Variants in SYT16 observed in about 807,000 individuals in gnomAD.
The protein encoded by SYT16 is synaptotagmin 16, also known as synaptotagmin-16.
SYT16 carries 42 observed loss-of-function variants against 61.4 expected under a neutral mutation model. The ratio of observed to expected loss-of-function variants is 0.68; its 90% CI spans 0.53 to 0.89. The LOEUF is 0.89. Ranked by LOEUF, SYT16 falls within the 40% of genes least tolerant of loss-of-function variation. The pLI is 0.00. For synonymous variants in SYT16, 314 were observed against 302.3 expected, an observed-to-expected ratio of 1.04 and a Z score of -0.40; for missense variants, 804 against 807.3, an observed-to-expected ratio of 1.00 and a Z score of 0.05.
intron 3 of SYT16, among the ~76,000 whole-genome samples, chr14:62,068,627 T>C (rs1053760641): frequency 1.3e-5 from 2 of 152,220 alleles, no homozygotes; most frequent in African/African-American, 4.8e-5. Context: ...TGCTTCACTC[T>C]AGGAACCATT....
At chr14:61,946,789 C>G (rs982406720) in intron 1 of SYT16, among the ~76,000 whole-genome samples, 3 of 152,070 alleles carry the variant, frequency 2.0e-5, no homozygotes, top group Non-Finnish European at 4.4e-5. Context: ...TTGGGAGTTG[C>G]AACCATATGT....
At chr14:62,005,529 T>A (rs1959331) in intron 3 of SYT16, among the ~76,000 whole-genome samples, 78,423 of 151,990 alleles carry the variant, frequency 0.52, 21,088 homozygotes, top group East Asian at 0.75. Flanking sequence ...GAGGGAAAAG[T>A]ATGCTCCCTT....
chr14:61,998,926 G>A (rs2052878641), intron 3 of SYT16, among the ~76,000 whole-genome samples: 1 of 151,854 alleles, frequency 6.6e-6, no homozygotes, highest in Admixed American at 6.6e-5. Flanking sequence ...TATGATTTTT[G>A]TTGTTTAGTA....
chr14:61,835,186 A>C (rs1044863203), intron 1 of SYT16, among the ~76,000 whole-genome samples: 2 of 151,696 alleles, frequency 1.3e-5, no homozygotes, highest in African/African-American at 2.4e-5. Flanking sequence ...TAGTGGAGTA[A>C]TGTGTATAAG....
At chr14:61,896,257 A>G (rs2048323214) in intron 1 of SYT16, among the ~76,000 whole-genome samples, 1 of 152,096 alleles carries the variant, frequency 6.6e-6, no homozygotes, top group African/African-American at 2.4e-5. Flanking sequence ...GCTGGACTAG[A>G]GGTCTTCCTG....
At position 61,962,271 on chromosome 14, in the gene SYT16, T is replaced by TA. The variant is rs71117860; in HGVS notation, c.-324-7851dup. Among the ~76,000 whole-genome samples the TA allele has an allele frequency of 5.5e-3, 823 of 149,628 alleles. 3 individuals carry two copies. Among genetic ancestry groups the TA allele is most frequent in the Non-Finnish European group, 7.6e-3 (511 of 67,154 alleles). On this transcript the variant is annotated intron_variant, in intron 1 of 7. Coordinates refer to ENST00000683842, the MANE Select transcript of SYT16 (RefSeq NM_001367656.1). ...CACATATATCCCTGAACTTAAAAGT[T>TA]AAAAAAAAAAGTTTTGCCAGGTAAA... is the stretch of plus-strand genomic sequence containing the variant.
At chr14:61,986,328 AATACAATTT>A (rs1267268455) in intron 2 of SYT16, among the ~76,000 whole-genome samples, 1 of 151,866 alleles carries the variant, frequency 6.6e-6, no homozygotes, top group Admixed American at 6.6e-5. Flanking sequence ...TGTCTGAATT[AATACAATTT>A]ATAGACATTC....
intron 1 of SYT16, among the ~76,000 whole-genome samples, chr14:61,857,694 C>G (rs1479918674): frequency 6.6e-6 from 1 of 152,044 alleles, no homozygotes; most frequent in Non-Finnish European, 1.5e-5. Flanking sequence ...ATAGGAATAA[C>G]TCAGTAGAAA....
rs1199104124 is a variant in SYT16, at chr14:61,861,643, A to AT, written c.-325+48833_-325+48834insT. Reference sequence around the variant, plus strand: ...TGGTCTCGAATTCCTGGGCTCAAGCAATCTGCCCACATTGGCCTCCCAACG... The same window carrying AT: ...TGGTCTCGAATTCCTGGGCTCAAGCATATCTGCCCACATTGGCCTCCCAACG... On this transcript the variant is annotated intron_variant, in intron 1 of 7. Coordinates refer to ENST00000683842, the MANE Select transcript of SYT16 (RefSeq NM_001367656.1). Among the ~76,000 whole-genome samples the AT allele has an allele frequency of 2.6e-5, 4 of 152,310 alleles. No homozygotes were observed. In the South Asian group the frequency reaches 8.3e-4, roughly 32 times the overall value.
intron 4 of SYT16, among the ~76,000 whole-genome samples, chr14:62,071,309 C>T (rs2056290320): frequency 6.6e-6 from 1 of 152,148 alleles, no homozygotes. Context: ...AGCTAATGGC[C>T]CCATTTCCCA....
intron 3 of SYT16, among the ~76,000 whole-genome samples, chr14:62,058,351 T>C (rs1245884611): frequency 6.8e-6 from 1 of 148,084 alleles, no homozygotes; most frequent in East Asian, 1.9e-4. Context: ...TTTTTTTTTT[T>C]TTTTTTTTTT....
intron 1 of SYT16, among the ~76,000 whole-genome samples, chr14:61,927,195 A>G (rs2049573502): frequency 6.6e-6 from 1 of 152,212 alleles, no homozygotes; most frequent in Admixed American, 6.5e-5. Context: ...TTTAAATTCC[A>G]GGAAGCATGA....
At chr14:62,036,562 A>T (rs1282714870) in intron 3 of SYT16, among the ~76,000 whole-genome samples, 5 of 152,172 alleles carry the variant, frequency 3.3e-5, no homozygotes, top group Admixed American at 2.6e-4. Context: ...CTAATTTATT[A>T]AGGAAAGAGT....
chr14:61,861,853 A>G (rs1269509596), intron 1 of SYT16, among the ~76,000 whole-genome samples: 1 of 152,236 alleles, frequency 6.6e-6, no homozygotes, highest in Non-Finnish European at 1.5e-5. Context: ...ACACCATGCT[A>G]TAGTTTATTA....
intron 3 of SYT16, among the ~76,000 whole-genome samples, chr14:62,046,827 A>G (rs2055011688): frequency 6.6e-6 from 1 of 152,194 alleles, no homozygotes; most frequent in South Asian, 2.1e-4. Context: ...CTGTTTTGGT[A>G]CCAGTACCAT....
chr14:61,865,061 G>A, intron 1 of SYT16: 1 of 1,398,624 alleles, frequency 7.1e-7, no homozygotes, highest in Non-Finnish European at 1.0e-6. Flanking sequence ...CTGCAGGCTC[G>A]ACTGTGCAGC....
chr14:61,816,399 T>C (rs1231941388), intron 1 of SYT16, among the ~76,000 whole-genome samples: 1 of 152,200 alleles, frequency 6.6e-6, no homozygotes, highest in East Asian at 1.9e-4. Flanking sequence ...ATGCCTAGAC[T>C]TTAAAAGAAA....
intron 1 of SYT16, among the ~76,000 whole-genome samples, chr14:61,837,299 C>T (rs890720817): frequency 2.7e-5 from 4 of 145,522 alleles, no homozygotes; most frequent in Admixed American, 7.1e-5. Flanking sequence ...TGCAGTGGTG[C>T]GATCTTGGTT....
At chr14:61,845,928 G>A (rs113976419) in intron 1 of SYT16, among the ~76,000 whole-genome samples, 2,083 of 152,064 alleles carry the variant, frequency 0.014, 22 homozygotes, top group Middle Eastern at 0.034. Context: ...TAATTTCTCC[G>A]TAGACCCATT....
Sources: allele counts gnomAD v4.1 joint callset (sites outside exome capture counted in the v4.1 genomes callset), GRCh38; gene constraint gnomAD v4.1.1; transcripts MANE v1.5; gene names NCBI Gene and HGNC (gene_info 2026-07-23, HGNC 2026-07-21).